KIFBP: variants seen among roughly 807,000 people sequenced by gnomAD.
KIFBP encodes the protein kinesin family binding protein, also known as KIF-binding protein.
A neutral mutation model predicts 58.9 loss-of-function variants in KIFBP; 46 were observed. The observed-to-expected ratio is 0.78, with a 90% CI of 0.62 to 1.00. The LOEUF (loss-of-function observed/expected upper bound fraction) is 1.00. KIFBP is among the 50% of genes least tolerant of loss of function. KIFBP has a pLI of 0.00. For missense variants in KIFBP, 651 were observed against 752.9 expected (o/e 0.86, Z 1.58); for synonymous variants, 241 against 283.4 (o/e 0.85, Z 1.50).
chr10:69,005,993 C>G, intron 4 of KIFBP, 78 bp downstream of exon 4: 2 of 1,315,998 alleles, frequency 1.5e-6, no homozygotes, highest in Non-Finnish European at 2.1e-6. Context: ...CTTGAAAATA[C>G]TATCTTTTAA....
chr10:69,010,893 A>G lies in KIFBP; in HGVS notation c.875-7A>G. 1 of 1,586,152 alleles carries G rather than the reference A, an allele frequency of 6.3e-7. No homozygotes were observed. The highest frequency in any genetic ancestry group is 8.7e-7 in the Non-Finnish European group (1 of 1,154,584). ...ATTAACTTAAACAAATCACATGTATATTTTAGCTCCTGAAGCTGAAGGAGA... is the reference window on the plus strand; with the variant it reads ...ATTAACTTAAACAAATCACATGTATGTTTTAGCTCCTGAAGCTGAAGGAGA... On this transcript the variant is annotated splice_polypyrimidine_tract_variant and splice_region_variant and intron_variant, in intron 5 of 6. Transcript: ENST00000361983.
Position 69,013,829 on chromosome 10 carries a change from A to ATCC in KIFBP, c.991-1708_991-1706dup, listed in dbSNP as rs201224284. ...CAGTGGCATGATCTCCACTCACTGCATCCTCCACCTCCCTGGCTCAAGCAG... is the reference window on the plus strand; with the variant it reads ...CAGTGGCATGATCTCCACTCACTGCATCCTCCTCCACCTCCCTGGCTCAAGCAG... On this transcript the variant is annotated intron_variant, in intron 6 of 6. Transcript: ENST00000361983. Among the ~76,000 whole-genome samples, 649 of 152,230 alleles carry ATCC rather than the reference A, an allele frequency of 4.3e-3. 2 individuals are homozygous for ATCC. The highest frequency in any genetic ancestry group is 0.014 in the African/African-American group (595 of 41,538).
At chr10:68,998,146 A>G (rs1405850645) in intron 1 of KIFBP, among the ~76,000 whole-genome samples, 2 of 152,176 alleles carry the variant, frequency 1.3e-5, no homozygotes, top group Non-Finnish European at 2.9e-5. Context: ...CTGATTGGTC[A>G]TGTTACATGT....
At chr10:69,008,387 AAAAAATATATATAT>A (rs1564637582) in intron 4 of KIFBP, among the ~76,000 whole-genome samples, 2 of 60,150 alleles carry the variant, frequency 3.3e-5, no homozygotes, top group African/African-American at 1.7e-4. Flanking sequence ...TAAAAAAAAA[AAAAAATATATATAT>A]ATATATATAT....
rs977897559 is a variant in KIFBP, at chr10:69,002,308, C to T, written c.525+1786C>T. ...CCAAGTGGCTGAGATTATAGGTGCC[C>T]GCCACCATTCCCAGCTAATTTTTGT... On this transcript the variant is annotated intron_variant, in intron 2 of 6. Transcript: ENST00000361983. 2.0e-5 allele frequency among the ~76,000 whole-genome samples: 3 copies of T among 151,938 alleles called. No homozygotes were observed. The South Asian group carries it at 6.2e-4, about 32-fold the overall frequency.
At position 69,016,032 on chromosome 10, in the gene KIFBP, G is replaced by C; in HGVS notation, c.1482G>C (p.Arg494Ser). The change falls in exon 7 of 7, where the codon AGG becomes AGC. Residue 494 changes from arginine to serine, a missense_variant. Coordinates refer to ENST00000361983, the MANE Select transcript of KIFBP (RefSeq NM_015634.4). ...ATTTGAAGGTTGCCATTGCTGACAG[G>C]CTAAGGGATCCTGATTCACACATTG... ...MMDLKVAIAD[R>S]LRDPDSHIVK... is the part of the protein sequence containing the mutation. 6.2e-7 allele frequency: 1 copy of C among 1,614,080 alleles called. No individual in the cohort carries two copies. The highest frequency in any genetic ancestry group is 8.5e-7 in the Non-Finnish European group (1 of 1,180,022).
chr10:68,993,076 T>G (rs1445877717), intron 1 of KIFBP, among the ~76,000 whole-genome samples: 3 of 152,198 alleles, frequency 2.0e-5, no homozygotes, highest in Non-Finnish European at 4.4e-5. Context: ...CCAGTGTTGT[T>G]TCTGGGCTCT....
In KIFBP at chr10:69,016,762, G is replaced by A; in HGVS notation, c.*346G>A. The A allele has an allele frequency of 4.9e-6, 1 of 205,054 alleles. No homozygotes were observed. Among genetic ancestry groups the A allele is most frequent in the Non-Finnish European group, 9.9e-6 (1 of 101,248 alleles). 12.7% of individuals were successfully genotyped at this position (205,054 alleles called of 1,614,324 possible). A position where few individuals can be genotyped will look rare whatever the true frequency, so the allele number is the denominator to read the frequency against. Reference sequence around the variant, plus strand: ...GAAAAAATGCTGGGTAATGTACCTGGTAACAAGCCTGTTAATATATTAAGA... The same window carrying A: ...GAAAAAATGCTGGGTAATGTACCTGATAACAAGCCTGTTAATATATTAAGA... On this transcript the variant is annotated 3_prime_UTR_variant, in exon 7 of 7. Coordinates refer to ENST00000361983, the MANE Select transcript of KIFBP (RefSeq NM_015634.4).
intron 1 of KIFBP, among the ~76,000 whole-genome samples, chr10:68,998,849 C>T (rs574235918): frequency 6.9e-6 from 1 of 144,452 alleles, no homozygotes; most frequent in African/African-American, 2.5e-5. Flanking sequence ...GATCTCGGCT[C>T]ACTGTAACCT....
chr10:68,989,380 T>C, intron 1 of KIFBP, 122 bp downstream of exon 1: 1 of 1,097,690 alleles, frequency 9.1e-7, no homozygotes, highest in Non-Finnish European at 1.3e-6. Context: ...TTTGTAGCTC[T>C]GGACTGAGTC....
intron 3 of KIFBP, 40 bp from the exon 4 acceptor site, chr10:69,005,688 CAAGT>C (rs990807681): frequency 7.7e-6 from 10 of 1,291,658 alleles, no homozygotes; most frequent in East Asian, 2.4e-5. Context: ...AAAAAAAAAA[CAAGT>C]AAACCATTAC....
rs1006553328 is a variant in KIFBP, at chr10:68,991,478, G to T, written c.426+2220G>T. The T allele has an allele frequency of 1.9e-5, 7 of 377,880 alleles. No homozygotes were observed. In the Admixed American group the frequency reaches 2.1e-4, roughly 11 times the overall value. The allele number at this position is 377,880 out of a possible 1,614,324, so 23.4% of individuals were successfully genotyped here. A position where few individuals can be genotyped will look rare whatever the true frequency, so the allele number is the denominator to read the frequency against. On this transcript the variant is annotated intron_variant, in intron 1 of 6. Transcript: ENST00000361983. ...AGAGCAAGTTATCAATGAGGATGTCGATGTCTCCGAACTAAGAAATGAATA... is the reference window on the plus strand; with the variant it reads ...AGAGCAAGTTATCAATGAGGATGTCTATGTCTCCGAACTAAGAAATGAATA...
chr10:69,007,706 A>C (rs1843549802), intron 4 of KIFBP: 1 of 152,234 alleles, frequency 6.6e-6, no homozygotes, highest in Non-Finnish European at 1.5e-5. Flanking sequence ...AGATACATTT[A>C]ATGCTGCAAT....
rs192531256 is a variant in KIFBP, at chr10:68,994,745, A to G, written c.426+5487A>G. Reference sequence around the variant, plus strand: ...ATATTTTTAAGGGTACAGTTTGATGAGTTTTGACATATATATTTATACCTG... The same window carrying G: ...ATATTTTTAAGGGTACAGTTTGATGGGTTTTGACATATATATTTATACCTG... On this transcript the variant is annotated intron_variant, in intron 1 of 6. Transcript: ENST00000361983. Among the ~76,000 whole-genome samples the G allele has an allele frequency of 4.6e-5, 7 of 152,162 alleles. No homozygotes were observed. The East Asian group carries it at 1.2e-3, about 25-fold the overall frequency.
intron 5 of KIFBP, among the ~76,000 whole-genome samples, chr10:69,009,295 C>T (rs1219348839): frequency 6.6e-6 from 1 of 151,710 alleles, no homozygotes; most frequent in African/African-American, 2.4e-5. Flanking sequence ...GAGTTCAAGA[C>T]AAGCCTGATC....
At chr10:69,001,428 G>A (rs1297482086) in intron 2 of KIFBP, among the ~76,000 whole-genome samples, 1 of 152,086 alleles carries the variant, frequency 6.6e-6, no homozygotes, top group Admixed American at 6.6e-5. Context: ...TTTTCTTGTG[G>A]ATTACTATTT....
At chr10:69,015,455 A>G in intron 6 of KIFBP, 86 bp from the exon 7 acceptor site, 1 of 1,353,478 alleles carries the variant, frequency 7.4e-7, no homozygotes, top group South Asian at 1.2e-5. Context: ...CTTCTCTTCT[A>G]AAAAACTCTG....
chr10:69,013,114 C>T (rs560349449), intron 6 of KIFBP, among the ~76,000 whole-genome samples: 1 of 152,178 alleles, frequency 6.6e-6, no homozygotes, highest in East Asian at 1.9e-4. Flanking sequence ...TCACTCATTA[C>T]CACAAGAACA....
At chr10:69,014,051 CT>C (rs1340795144) in intron 6 of KIFBP, among the ~76,000 whole-genome samples, 10 of 152,136 alleles carry the variant, frequency 6.6e-5, no homozygotes, top group Admixed American at 2.6e-4. Flanking sequence ...GCGCTCACCC[CT>C]GACTTTATTT....
Sources: allele counts gnomAD v4.1 joint callset (sites outside exome capture counted in the v4.1 genomes callset), GRCh38; gene constraint gnomAD v4.1.1; transcripts MANE v1.5; gene names NCBI Gene and HGNC (gene_info 2026-07-23, HGNC 2026-07-21).